Variants in TENM3 observed in about 807,000 individuals in gnomAD.
The protein encoded by TENM3 is teneurin transmembrane protein 3.
TENM3 carries 63 observed loss-of-function variants against 255.1 expected under a neutral mutation model. That is an observed-to-expected ratio of 0.25 (90% CI 0.20 to 0.30). The LOEUF (loss-of-function observed/expected upper bound fraction) is 0.30. TENM3 is among the 10% of genes least tolerant of loss of function. The probability of loss-of-function intolerance (pLI) is 1.00; values close to 1 mark genes in which losing one functional copy is unlikely to be tolerated. For missense variants in TENM3, 2,929 were observed against 3,461.1 expected (o/e 0.85, Z 3.86); for synonymous variants, 1,306 against 1,322.3 (o/e 0.99, Z 0.27).
the TENM3 span, among the ~76,000 whole-genome samples, chr4:181,625,410 A>G: frequency 1.3e-5 from 2 of 152,170 alleles, no homozygotes; most frequent in Non-Finnish European, 2.9e-5. Flanking sequence ...TTGTTCTGCT[A>G]CGTCCTGCCC....
chr4:182,703,797 T>G (rs76000306), intron 12 of TENM3, among the ~76,000 whole-genome samples: 4 of 152,186 alleles, frequency 2.6e-5, no homozygotes, highest in Non-Finnish European at 4.4e-5. Flanking sequence ...AAAGTGTTAG[T>G]CTATACATTT....
chr4:182,569,297 G>A (rs1744109456), intron 3 of TENM3, among the ~76,000 whole-genome samples: 2 of 152,296 alleles, frequency 1.3e-5, no homozygotes, highest in South Asian at 2.1e-4. Context: ...GCTCACGCCT[G>A]TAATCCCAGC....
the TENM3 span, among the ~76,000 whole-genome samples, chr4:181,565,201 CTG>C: frequency 2.0e-5 from 3 of 152,230 alleles, no homozygotes; most frequent in African/African-American, 7.2e-5. Context: ...CTCCCTCAAA[CTG>C]TCCCATGACC....
chr4:181,930,249 A>G, the TENM3 span, among the ~76,000 whole-genome samples: 67 of 152,294 alleles, frequency 4.4e-4, no homozygotes, highest in African/African-American at 1.5e-3. Context: ...GAAAATATTA[A>G]CAAAATAGAT....
chr4:181,914,889 A>G, the TENM3 span, among the ~76,000 whole-genome samples: 1 of 152,186 alleles, frequency 6.6e-6, no homozygotes, highest in Admixed American at 6.5e-5. Context: ...TGCACCAGGT[A>G]CTGGGATAGG....
At chr4:182,264,550 G>GACTGT (rs1759107298) in intron 1 of TENM3, among the ~76,000 whole-genome samples, 2 of 152,216 alleles carry the variant, frequency 1.3e-5, no homozygotes, top group South Asian at 4.1e-4. Flanking sequence ...AAAAGACAGA[G>GACTGT]ACTGTCCTGT....
intron 3 of TENM3, among the ~76,000 whole-genome samples, chr4:182,473,344 A>C (rs1374559356): frequency 1.3e-5 from 2 of 152,232 alleles, no homozygotes; most frequent in Non-Finnish European, 2.9e-5. Context: ...CACTTGATCC[A>C]AAACCAAACA....
At chr4:182,087,726 C>T in the TENM3 span, among the ~76,000 whole-genome samples, 5 of 152,108 alleles carry the variant, frequency 3.3e-5, no homozygotes, top group Non-Finnish European at 7.3e-5. Context: ...CCTTGGCACA[C>T]ATTGCCCATA....
chr4:181,764,192 A>G, the TENM3 span, among the ~76,000 whole-genome samples: 3 of 152,236 alleles, frequency 2.0e-5, no homozygotes, highest in African/African-American at 7.2e-5. Context: ...TTCATATTAT[A>G]TTCACAAATT....
chr4:181,729,422 A>C, the TENM3 span, among the ~76,000 whole-genome samples: 1 of 152,098 alleles, frequency 6.6e-6, no homozygotes, highest in East Asian at 1.9e-4. Flanking sequence ...CAAATCAAAG[A>C]ATGTAGCAGA....
chr4:181,754,920 A>G, the TENM3 span, among the ~76,000 whole-genome samples: 1 of 152,172 alleles, frequency 6.6e-6, no homozygotes, highest in African/African-American at 2.4e-5. Flanking sequence ...AGCCTTGATT[A>G]TTGTTACCTT....
At chr4:181,780,024 T>C in the TENM3 span, among the ~76,000 whole-genome samples, 11 of 152,332 alleles carry the variant, frequency 7.2e-5, no homozygotes, top group Middle Eastern at 3.4e-3. Context: ...ATTTTCTTAA[T>C]CCAGTCTATC....
intron 3 of TENM3, among the ~76,000 whole-genome samples, chr4:182,390,037 A>C (rs1442358293): frequency 6.6e-6 from 1 of 152,132 alleles, no homozygotes; most frequent in Non-Finnish European, 1.5e-5. Context: ...AGATCTTTTG[A>C]GGGTGCACAT....
chr4:181,662,671 A>G, the TENM3 span, among the ~76,000 whole-genome samples: 3 of 152,256 alleles, frequency 2.0e-5, no homozygotes, highest in African/African-American at 4.8e-5. Flanking sequence ...ATTGAACCAT[A>G]TGTGTCTCAT....
At chr4:182,071,098 A>C in the TENM3 span, among the ~76,000 whole-genome samples, 1 of 73,004 alleles carries the variant, frequency 1.4e-5, no homozygotes, top group African/African-American at 3.6e-5. Flanking sequence ...TCCCAAGAAG[A>C]ACAAAAACTT....
At chr4:181,931,545 G>A in the TENM3 span, among the ~76,000 whole-genome samples, 1 of 152,186 alleles carries the variant, frequency 6.6e-6, no homozygotes, top group South Asian at 2.1e-4. Flanking sequence ...AACATTCCAT[G>A]CTCATGGATA....
chr4:181,509,825 G>A, the TENM3 span, among the ~76,000 whole-genome samples: 329 of 152,356 alleles, frequency 2.2e-3, 1 homozygote, highest in African/African-American at 7.6e-3. Flanking sequence ...AGTGCCCAGA[G>A]TGAATCCATC....
At chr4:182,647,567 A>G (rs1421525739) in intron 5 of TENM3, among the ~76,000 whole-genome samples, 1 of 152,184 alleles carries the variant, frequency 6.6e-6, no homozygotes, top group African/African-American at 2.4e-5. Flanking sequence ...TTTCCTTTTT[A>G]AGGCAGAATA....
chr4:181,864,477 G>A, the TENM3 span, among the ~76,000 whole-genome samples: 5 of 152,118 alleles, frequency 3.3e-5, no homozygotes, highest in African/African-American at 1.2e-4. Context: ...AAAGAGAGTT[G>A]TGTCTCAGTA....
Sources: allele counts gnomAD v4.1 joint callset (sites outside exome capture counted in the v4.1 genomes callset), GRCh38; gene constraint gnomAD v4.1.1; transcripts MANE v1.5; gene names NCBI Gene and HGNC (gene_info 2026-07-23, HGNC 2026-07-21).